CRACD: variants seen among roughly 807,000 people sequenced by gnomAD.
CRACD encodes capping protein-inhibiting regulator of actin dynamics.
A neutral mutation model predicts 106.8 loss-of-function variants in CRACD; 56 were observed. The observed-to-expected ratio is 0.52, with a 90% CI of 0.42 to 0.66. The LOEUF is 0.66. CRACD is among the 30% of genes least tolerant of loss of function. CRACD has a pLI of 0.00. For missense variants in CRACD, 1,730 were observed against 1,623.2 expected (o/e 1.07, Z -1.13); for synonymous variants, 754 against 670.8 (o/e 1.12, Z -1.92).
intron 1 of CRACD, among the ~76,000 whole-genome samples, chr4:56,138,334 T>G (rs1010275516): frequency 6.6e-6 from 1 of 151,966 alleles, no homozygotes; most frequent in Non-Finnish European, 1.5e-5. Context: ...TGTAATGGTG[T>G]GTGCCTGCAA....
intron 2 of CRACD, among the ~76,000 whole-genome samples, chr4:56,182,270 T>C (rs1230981687): frequency 6.6e-6 from 1 of 151,980 alleles, no homozygotes; most frequent in African/African-American, 2.4e-5. Flanking sequence ...CCCAAAAGGC[T>C]GAGGTGGGAG....
intron 2 of CRACD, among the ~76,000 whole-genome samples, chr4:56,253,240 C>T (rs1741150914): frequency 6.6e-6 from 1 of 152,140 alleles, no homozygotes; most frequent in Admixed American, 6.5e-5. Flanking sequence ...AGTAATAACA[C>T]CACTAGCAAA....
chr4:56,226,876 GTCTCTCTC>G (rs71192081), intron 2 of CRACD, among the ~76,000 whole-genome samples: 18 of 145,766 alleles, frequency 1.2e-4, no homozygotes, highest in South Asian at 4.4e-4. Flanking sequence ...CTCTCTCTCT[GTCTCTCTC>G]TCTCTCTCTC....
At chr4:56,262,948 G>A (rs1200615789) in intron 2 of CRACD, among the ~76,000 whole-genome samples, 4 of 152,158 alleles carry the variant, frequency 2.6e-5, no homozygotes, top group Non-Finnish European at 4.4e-5. Context: ...CTGGCCCTAA[G>A]GGAAGAGGGA....
At chr4:56,116,547 A>C (rs1201863052) in intron 1 of CRACD, among the ~76,000 whole-genome samples, 4 of 152,210 alleles carry the variant, frequency 2.6e-5, no homozygotes, top group Non-Finnish European at 5.9e-5. Flanking sequence ...GGATGTTCAC[A>C]GGCCCTGGTG....
At chr4:56,141,879 G>C (rs1735214448) in intron 1 of CRACD, among the ~76,000 whole-genome samples, 1 of 151,444 alleles carries the variant, frequency 6.6e-6, no homozygotes, top group Non-Finnish European at 1.5e-5. Context: ...AAATTATAGA[G>C]ATGGGAGTCT....
chr4:56,273,046 T>C (rs778081685), intron 3 of CRACD, among the ~76,000 whole-genome samples: 1 of 152,130 alleles, frequency 6.6e-6, no homozygotes, highest in Non-Finnish European at 1.5e-5. Flanking sequence ...GGCATTCATT[T>C]CGCTGCTCTT....
chr4:56,317,703 A>G (rs909259636), intron 8 of CRACD, among the ~76,000 whole-genome samples: 1 of 152,088 alleles, frequency 6.6e-6, no homozygotes, highest in Non-Finnish European at 1.5e-5. Flanking sequence ...GACTGTCTCC[A>G]TTTTATGTAA....
chr4:56,261,684 C>T (rs893716781), intron 2 of CRACD, among the ~76,000 whole-genome samples: 2 of 152,004 alleles, frequency 1.3e-5, no homozygotes, highest in African/African-American at 4.8e-5. Context: ...TTTTATTTCT[C>T]CTGTGAACTG....
rs143697651 is a variant in CRACD, at chr4:56,211,105, A to T, written c.-189+31675A>T. On this transcript the variant is annotated intron_variant, in intron 2 of 10. Transcript: ENST00000682029. ...TTTTCAAATGCATTTCTTCAAGTTC[A>T]ATGTTGTGCATTTGTAACATTCCAT... Among the ~76,000 whole-genome samples the T allele has an allele frequency of 3.6e-3, 555 of 152,298 alleles. 2 individuals carry two copies. Among genetic ancestry groups the T allele is most frequent in the African/African-American group, 0.012 (503 of 41,558 alleles).
In CRACD at chr4:56,313,350, G is replaced by C. The variant is rs1745280834; in HGVS notation, c.508G>C (p.Val170Leu). The C allele has an allele frequency of 6.2e-7, 1 of 1,613,972 alleles. No individual in the cohort carries two copies. Among genetic ancestry groups the C allele is most frequent in the South Asian group, 1.1e-5 (1 of 91,078 alleles). The change falls in exon 7 of 11, where the codon GTG becomes CTG. Residue 170 changes from valine to leucine, a missense_variant. Physicochemically the swap from Val to Leu is conservative, Grantham distance 32. This residue lies in a region of CRACD where 1,620 missense variants were observed against 1,481.6 expected (regional missense o/e 1.09). Transcript: ENST00000682029. ...KLAVKPKKQR[V>L]SKKHRRLAQD... ...GGCTGTTAAGCCAAAAAAACAGAGG[G>C]TGTCAAAGAAGCACAGGCGCCTTGC...
At chr4:56,217,006 A>G (rs868304925) in intron 2 of CRACD, among the ~76,000 whole-genome samples, 25 of 148,000 alleles carry the variant, frequency 1.7e-4, no homozygotes, top group African/African-American at 6.4e-4. Context: ...AAAAAAAGAA[A>G]AAAAAAAAAA....
intron 1 of CRACD, among the ~76,000 whole-genome samples, chr4:56,143,442 C>T (rs1202699409): frequency 6.6e-6 from 1 of 151,804 alleles, no homozygotes; most frequent in African/African-American, 2.4e-5. Context: ...CTGTCTTATT[C>T]CTTGTTTTCC....
chr4:56,143,459 C>T (rs967925210), intron 1 of CRACD, among the ~76,000 whole-genome samples: 9 of 151,814 alleles, frequency 5.9e-5, no homozygotes, highest in Admixed American at 3.3e-4. Context: ...TTCCTTCTGT[C>T]GATTCATGAA....
At chr4:56,216,755 T>C (rs1043215941) in intron 2 of CRACD, among the ~76,000 whole-genome samples, 1 of 147,410 alleles carries the variant, frequency 6.8e-6, no homozygotes, top group Non-Finnish European at 1.5e-5. Flanking sequence ...CCGAGGCGGG[T>C]GGATCATGAG....
intron 2 of CRACD, among the ~76,000 whole-genome samples, chr4:56,205,209 GC>G (rs71666120): frequency 2.0e-5 from 3 of 151,320 alleles, no homozygotes; most frequent in East Asian, 1.9e-4. Context: ...GCTTTCCCAT[GC>G]CCCCCCCGCC....
intron 1 of CRACD, among the ~76,000 whole-genome samples, chr4:56,125,893 TC>T (rs1221746155): frequency 6.8e-6 from 1 of 147,264 alleles, no homozygotes; most frequent in Non-Finnish European, 1.5e-5. Context: ...TGCCTCAGCC[TC>T]CCGAGTAGCT....
At chr4:56,230,941 G>A (rs1030603915) in intron 2 of CRACD, among the ~76,000 whole-genome samples, 5 of 152,118 alleles carry the variant, frequency 3.3e-5, no homozygotes, top group African/African-American at 9.7e-5. Flanking sequence ...GAATGTCATC[G>A]CCTCTGAACA....
At chr4:56,125,657 T>A (rs929547481) in intron 1 of CRACD, among the ~76,000 whole-genome samples, 2 of 152,092 alleles carry the variant, frequency 1.3e-5, no homozygotes, top group African/African-American at 4.8e-5. Flanking sequence ...CCTCAAGTGA[T>A]CCTCCTGCCT....
Sources: allele counts gnomAD v4.1 joint callset (sites outside exome capture counted in the v4.1 genomes callset), GRCh38; gene constraint gnomAD v4.1.1; regional missense constraint gnomAD v4.1.1; transcripts MANE v1.5; gene names NCBI Gene and HGNC (gene_info 2026-07-23, HGNC 2026-07-21).